The following SIGLEC11 variants were observed in gnomAD, a reference collection of about 807,000 sequenced individuals.
The protein encoded by SIGLEC11 is sialic acid binding Ig like lectin 11.
Under a neutral mutation model 61.2 loss-of-function variants are expected in SIGLEC11, and 47 were observed. That is an observed-to-expected ratio of 0.77 (90% CI 0.61 to 0.98). The LOEUF (loss-of-function observed/expected upper bound fraction) is 0.98. SIGLEC11 is among the 50% of genes least tolerant of loss of function. The pLI is 0.00. For missense variants in SIGLEC11, 610 were observed against 870.3 expected (o/e 0.70, Z 3.76); for synonymous variants, 278 against 373.1 (o/e 0.75, Z 2.94).
In SIGLEC11 at chr19:49,952,370, A is replaced by G. The variant is rs551370409; in HGVS notation, c.1676T>C (p.Leu559Pro). Residue 559 changes from leucine (L) to proline (P), a missense_variant, in exon 9 of 11, where the codon CTT becomes CCT. Transcript: ENST00000447370. Reference sequence around the variant, plus strand: ...AGCTCCCAGGGCAGCCCCCAGGCCAAGTCCTCCCCCATGCTCCAGCTTCCC... The same window carrying G: ...AGCTCCCAGGGCAGCCCCCAGGCCAGGTCCTCCCCCATGCTCCAGCTTCCC... ...LPGKLEHGGG[L>P]GLGAALGAGV... 179 of 1,608,288 alleles carry G rather than the reference A, an allele frequency of 1.1e-4. 1 individual carries two copies. In the South Asian group the frequency reaches 1.8e-3, roughly 16 times the overall value.
rs200829651 is a variant in SIGLEC11 at position 49,953,375 on chromosome 19, TG to T, written c.1652-982del. ...GCCTAACAGTCCGACCCAGAGGGGT[TG>T]GGGGCAGCGAGAGTGGCTCGTCGAT... On this transcript the variant is annotated intron_variant, in intron 8 of 10. Coordinates refer to ENST00000447370, the MANE Select transcript of SIGLEC11 (RefSeq NM_052884.3). Among the ~76,000 whole-genome samples, 1,142 of 152,164 alleles carry T rather than the reference TG, an allele frequency of 7.5e-3. 14 individuals carry two copies. The highest frequency in any genetic ancestry group is 0.026 in the African/African-American group (1,081 of 41,516).
In SIGLEC11 at chr19:49,950,052, T is replaced by C. The variant is rs558767532; in HGVS notation, c.2015A>G (p.Lys672Arg). 1 of 1,604,052 alleles carries C rather than the reference T, an allele frequency of 6.2e-7. No individual in the cohort carries two copies. Among genetic ancestry groups the C allele is most frequent in the East Asian group, 2.2e-5 (1 of 44,560 alleles). The stretch of plus-strand genomic sequence containing the variant: ...CCTCAGGGGCTGTCCTGTGTGGATC[T>C]TGATCTCCGAGTACTCGGTGGTGCT... ...APSTTEYSEIKIHTGQPLRGP... is the reference protein window; with the variant it reads ...APSTTEYSEIRIHTGQPLRGP... The change falls in exon 11 of 11, where the codon AAG (lysine) becomes AGG (arginine). Residue 672 changes from lysine (K) to arginine (R), a missense_variant. Physicochemically the swap from Lys to Arg is conservative, Grantham distance 26. Transcript: ENST00000447370.
Position 49,960,167 on chromosome 19 carries a change from C to A in SIGLEC11, c.715G>T (p.Ala239Ser). The change falls in exon 3 of 11, where the codon GCA (alanine) becomes TCA (serine). Residue 239 changes from alanine to serine, a missense_variant. Transcript: ENST00000447370. ...HVDFSRKGVS[A>S]QRTVRLRVAY... The stretch of plus-strand genomic sequence containing the variant: ...ACACGGAGTCGGACGGTCCTCTGTG[C>A]GCTCACACCCTTTCTGGAGAAGTCC... The A allele has an allele frequency of 1.3e-6, 2 of 1,481,566 alleles. No individual in the cohort carries two copies. Among genetic ancestry groups the A allele is most frequent in the East Asian group, 2.3e-5 (1 of 43,934 alleles). 91.8% of individuals were successfully genotyped at this position (1,481,566 alleles called of 1,614,324 possible). A position where few individuals can be genotyped will look rare whatever the true frequency, so the allele number is the denominator to read the frequency against.
chr19:49,952,060 G>A, intron 9 of SIGLEC11, 88 bp from the exon 10 acceptor site: 1 of 1,361,142 alleles, frequency 7.3e-7, no homozygotes, highest in Admixed American at 2.4e-5. Context: ...GAGGCTGGAA[G>A]GCTGCAGAGC....
intron 5 of SIGLEC11, 100 bp from the exon 6 acceptor site, chr19:49,959,177 A>G: frequency 6.3e-7 from 1 of 1,575,296 alleles, no homozygotes; most frequent in South Asian, 1.2e-5. Flanking sequence ...TGGGTGGGAT[A>G]GAAGGGCAGG....
chr19:49,958,135 C>T, intron 8 of SIGLEC11, 148 bp downstream of exon 8: 2 of 1,130,852 alleles, frequency 1.8e-6, no homozygotes, highest in Non-Finnish European at 2.5e-6. Flanking sequence ...TCCTCAGTTT[C>T]CCGCAACAAC....
chr19:49,949,843 A>C lies in SIGLEC11; in HGVS notation c.*127T>G, dbSNP rs1015134589. ...GAGGACAGAGTCAGACCCTGTCTCA[A>C]AAAAAGTATAATCTTCAAACTCAAG... is the stretch of plus-strand genomic sequence containing the variant. On this transcript the variant is annotated 3_prime_UTR_variant, in exon 11 of 11. Coordinates refer to ENST00000447370, the MANE Select transcript of SIGLEC11 (RefSeq NM_052884.3). 18 of 1,082,562 alleles carry C rather than the reference A, an allele frequency of 1.7e-5. No individual in the cohort carries two copies. The highest frequency in any genetic ancestry group is 2.0e-5 in the Non-Finnish European group (17 of 835,106). The allele number at this position is 1,082,562 out of a possible 1,614,324, so 67.1% of individuals were successfully genotyped here. A position where few individuals can be genotyped will look rare whatever the true frequency, so the allele number is the denominator to read the frequency against.
chr19:49,958,377 G>A lies in SIGLEC11; in HGVS notation c.1557C>T (p.Ser519=), dbSNP rs1218153506. Residue 519 remains serine, a synonymous_variant, in exon 8 of 11, where the codon AGC becomes AGT. Coordinates refer to ENST00000447370, the MANE Select transcript of SIGLEC11 (RefSeq NM_052884.3). ...SAGPWANSSL[S]LHGGLSSGLR... The stretch of plus-strand genomic sequence containing the variant: ...GGCCGGAGCTGAGCCCTCCATGGAG[G>A]CTCAGGGAGCTGTTGGCCCAGGGCC... The A allele has an allele frequency of 6.2e-7, 1 of 1,614,190 alleles. No individual in the cohort carries two copies. Among genetic ancestry groups the A allele is most frequent in the Admixed American group, 1.7e-5 (1 of 60,026 alleles).
rs747895469 is a variant in SIGLEC11 at position 49,960,361 on chromosome 19, G to A, written c.521C>T (p.Thr174Met). 120 of 1,599,222 alleles carry A rather than the reference G, an allele frequency of 7.5e-5. No individual in the cohort carries two copies. The highest frequency in any genetic ancestry group is 1.7e-4 in the Middle Eastern group (1 of 6,004). ...AGCCCAGTTAAACACACAGATGACC[G>A]TCACCGGCTGCCCGGGCTCCAGGGT... Reference protein sequence around the residue: ...PETLEPGQPVTVICVFNWAFK... With the variant: ...PETLEPGQPVMVICVFNWAFK... Residue 174 changes from threonine (T) to methionine (M), a missense_variant, in exon 3 of 11, where the codon ACG becomes ATG. Thr to Met is a moderately conservative substitution (Grantham distance 81). Around this residue, in one of 6 missense-constraint regions of SIGLEC11, gnomAD observed 99 missense variants for 131.6 expected, o/e 0.75. Coordinates refer to ENST00000447370, the MANE Select transcript of SIGLEC11 (RefSeq NM_052884.3).
At position 49,960,775 on chromosome 19, in the gene SIGLEC11, G is replaced by C. The variant is rs1359507153; in HGVS notation, c.237C>G (p.Ser79Arg). 1 of 1,613,728 alleles carries C rather than the reference G, an allele frequency of 6.2e-7. No individual in the cohort carries two copies. The highest frequency in any genetic ancestry group is 8.5e-7 in the Non-Finnish European group (1 of 1,180,024). ...AYGYWFKGRT[S>R]PKTGAPVATN... ...TGGCCACAGGAGCACCCGTCTTTGG[G>C]CTGGTCCGTCCTTTGAACCAGTAGC... The change falls in exon 2 of 11, where the codon AGC becomes AGG. Residue 79 changes from serine to arginine, a missense_variant. This residue lies in a region of SIGLEC11 where 99 missense variants were observed against 131.6 expected (regional missense o/e 0.75). Coordinates refer to ENST00000447370, the MANE Select transcript of SIGLEC11 (RefSeq NM_052884.3).
chr19:49,960,290 G>C lies in SIGLEC11; in HGVS notation c.592C>G (p.Leu198Val). The part of the protein sequence containing the change: ...APSFSWTGAA[L>V]SPRRTRPSTS... Reference sequence around the variant, plus strand: ...CTTGGTCTGGTTCTTCTAGGGGAGAGGGCAGCCCCCGTCCAGGAGAAAGAA... The same window carrying C: ...CTTGGTCTGGTTCTTCTAGGGGAGACGGCAGCCCCCGTCCAGGAGAAAGAA... Residue 198 changes from leucine to valine, a missense_variant, in exon 3 of 11, where the codon CTC becomes GTC. This residue lies in a region of SIGLEC11 where 12 missense variants were observed against 33.2 expected (regional missense o/e 0.36). Coordinates refer to ENST00000447370, the MANE Select transcript of SIGLEC11 (RefSeq NM_052884.3). 2 of 1,602,164 alleles carry C rather than the reference G, an allele frequency of 1.2e-6. No homozygotes were observed. The highest frequency in any genetic ancestry group is 2.2e-5 in the South Asian group (2 of 90,420).
Position 49,960,539 on chromosome 19 carries a change from C to T in SIGLEC11, c.460+13G>A, listed in dbSNP as rs1403770919. On this transcript the variant is annotated intron_variant, in intron 2 of 10. Transcript: ENST00000447370. The stretch of plus-strand genomic sequence containing the variant: ...CCAGTGTGACAGGCAGGGGTTCCCA[C>T]CCCATTCCATACCTGTTACTTTTAG... The T allele has an allele frequency of 1.3e-6, 2 of 1,597,250 alleles. No homozygotes were observed. Among genetic ancestry groups the T allele is most frequent in the South Asian group, 2.2e-5 (2 of 90,472 alleles).
rs1231370093 is a variant in SIGLEC11, at chr19:49,955,029, C to T, written c.1652-2635G>A. On this transcript the variant is annotated intron_variant, in intron 8 of 10. Transcript: ENST00000447370. The surrounding 1 kb of genome is among the most constrained non-coding windows in gnomAD (Gnocchi z 4.5). ...CTTTGTGAAGCATTCCGGCCTTACA[C>T]CCTATTTGACCCTGAGGCTGCTGAA... 6.6e-6 allele frequency among the ~76,000 whole-genome samples: 1 copy of T among 152,170 alleles called. No individual in the cohort carries two copies. The highest frequency in any genetic ancestry group is 2.4e-5 in the African/African-American group (1 of 41,444).
chr19:49,960,017 C>T (rs2076230719), intron 3 of SIGLEC11, 120 bp downstream of exon 3: 2 of 1,328,144 alleles, frequency 1.5e-6, no homozygotes, highest in Non-Finnish European at 2.1e-6. Flanking sequence ...TCCTGGGACC[C>T]CACAGCTTCC....
At position 49,959,502 on chromosome 19, in the gene SIGLEC11, G is replaced by T; in HGVS notation, c.915C>A (p.Val305=). Residue 305 remains valine, a synonymous_variant, in exon 5 of 11, where the codon GTC becomes GTA. Coordinates refer to ENST00000447370, the MANE Select transcript of SIGLEC11 (RefSeq NM_052884.3). ...GGCCCCAGGGGTGGGACGAGGAGAGGACTCTGTCCTGCAGGACCCAGCTCA... is the reference window on the plus strand; with the variant it reads ...GGCCCCAGGGGTGGGACGAGGAGAGTACTCTGTCCTGCAGGACCCAGCTCA... The part of the protein sequence containing the change: ...ATLSWVLQDR[V]LSSSHPWGPR... 1 of 1,551,192 alleles carries T rather than the reference G, an allele frequency of 6.4e-7. No individual in the cohort carries two copies.
Position 49,955,881 on chromosome 19 carries a change from G to A in SIGLEC11, c.1651+2402C>T, listed in dbSNP as rs1007649427. Among the ~76,000 whole-genome samples the A allele has an allele frequency of 9.3e-5, 14 of 150,762 alleles. No homozygotes were observed. Among genetic ancestry groups the A allele is most frequent in the Non-Finnish European group, 1.9e-4 (13 of 67,902 alleles). ...ACCTGGGAGTTGGAGCTTGCAGTGA[G>A]CAGAGATGGCGCCACTGCACTCCAG... On this transcript the variant is annotated intron_variant, in intron 8 of 10. Transcript: ENST00000447370. The surrounding 1 kb of genome is among the most constrained non-coding windows in gnomAD (Gnocchi z 4.5).
At chr19:49,959,327 A>G (rs768404125) in intron 5 of SIGLEC11, 33 bp downstream of exon 5, 16 of 1,599,966 alleles carry the variant, frequency 1.0e-5, no homozygotes, top group Non-Finnish European at 1.3e-5. Flanking sequence ...CTGCCCTCCC[A>G]ATGGACTCCA....
intron 8 of SIGLEC11, among the ~76,000 whole-genome samples, chr19:49,953,984 CTG>C (rs2122888464): frequency 6.6e-6 from 1 of 152,228 alleles, no homozygotes; most frequent in Admixed American, 6.5e-5. Flanking sequence ...ACCGAAGAAA[CTG>C]TAGACTAGGA....
chr19:49,955,025 T>C lies in SIGLEC11; in HGVS notation c.1652-2631A>G, dbSNP rs1367425369. On this transcript the variant is annotated intron_variant, in intron 8 of 10. Coordinates refer to ENST00000447370, the MANE Select transcript of SIGLEC11 (RefSeq NM_052884.3). The surrounding 1 kb of genome is among the most constrained non-coding windows in gnomAD (Gnocchi z 4.5). ...AAAACTTTGTGAAGCATTCCGGCCT[T>C]ACACCCTATTTGACCCTGAGGCTGC... Among the ~76,000 whole-genome samples, 2 of 152,106 alleles carry C rather than the reference T, an allele frequency of 1.3e-5. No individual in the cohort carries two copies. Among genetic ancestry groups the C allele is most frequent in the Non-Finnish European group, 2.9e-5 (2 of 68,022 alleles).
Sources: gnomAD v4.1 joint callset for allele counts (sites outside exome capture counted in the v4.1 genomes callset) on GRCh38, gnomAD v4.1.1 for gene constraint, gnomAD v4.1.1 regional missense constraint, Gnocchi (gnomAD v3.1) non-coding constraint, MANE v1.5 for transcripts, NCBI Gene and HGNC (gene_info 2026-07-23, HGNC 2026-07-21) for gene names.